LAMB3: variants seen among roughly 807,000 people sequenced by gnomAD.
The protein encoded by LAMB3 is laminin subunit beta-3.
Under a neutral mutation model 140.3 loss-of-function variants are expected in LAMB3, and 104 were observed. That is an observed-to-expected ratio of 0.74 (90% CI 0.63 to 0.87). The LOEUF (loss-of-function observed/expected upper bound fraction) is 0.87, where lower values mean the gene tolerates loss of function less well. Among genes scored for constraint, LAMB3 ranks in the 40% least tolerant of loss-of-function variants. LAMB3 has a pLI of 0.00. For missense variants in LAMB3, 1,531 were observed against 1,575.2 expected, an observed-to-expected ratio of 0.97 and a Z score of 0.47; for synonymous variants, 592 against 602.9, an observed-to-expected ratio of 0.98 and a Z score of 0.26.
intron 18 of LAMB3, 24 bp from the exon 19 acceptor site, chr1:209,618,683 T>C: frequency 6.2e-7 from 1 of 1,609,796 alleles, no homozygotes. Context: ...CGCATTTGAC[T>C]GTAGGAGCCC....
chr1:209,622,778 C>G, intron 17 of LAMB3, 98 bp from the exon 18 acceptor site: 1 of 1,534,788 alleles, frequency 6.5e-7, no homozygotes, highest in Non-Finnish European at 9.0e-7. Flanking sequence ...CAAGACCTAC[C>G]TAGGAAGCAT....
At chr1:209,651,741 C>T (rs1187095981) in intron 1 of LAMB3, among the ~76,000 whole-genome samples, 2 of 152,020 alleles carry the variant, frequency 1.3e-5, no homozygotes, top group African/African-American at 2.4e-5. Context: ...CAGAGGCAGG[C>T]CTGCCTTGTG....
chr1:209,632,428 C>T (rs796922544), intron 8 of LAMB3, among the ~76,000 whole-genome samples, 155 bp downstream of exon 8: 12 of 152,302 alleles, frequency 7.9e-5, no homozygotes, highest in African/African-American at 2.6e-4. Context: ...ATTTTTGGAA[C>T]GAAAACCACT....
chr1:209,615,171 A>G lies in LAMB3; in HGVS notation c.*100T>C. On this transcript the variant is annotated 3_prime_UTR_variant, in exon 23 of 23. Coordinates refer to ENST00000356082, the MANE Select transcript of LAMB3 (RefSeq NM_000228.3). ...TGGTCCAGGCTGTACTTTAGGCTGC[A>G]TGAAAGTCTCCTGGAGATGGAAAGC... is the stretch of plus-strand genomic sequence containing the variant. 1 of 1,521,728 alleles carries G rather than the reference A, an allele frequency of 6.6e-7. No individual in the cohort carries two copies. The highest frequency in any genetic ancestry group is 1.7e-5 in the Admixed American group (1 of 59,514). 94.3% of individuals were successfully genotyped at this position (1,521,728 alleles called of 1,614,324 possible). A position where few individuals can be genotyped will look rare whatever the true frequency, so the allele number is the denominator to read the frequency against.
intron 13 of LAMB3, among the ~76,000 whole-genome samples, chr1:209,626,504 C>T (rs1025490549): frequency 1.3e-5 from 2 of 152,174 alleles, no homozygotes; most frequent in Admixed American, 6.5e-5. Flanking sequence ...CCGTGGGAAA[C>T]GACACCCTTT....
At position 209,632,689 on chromosome 1, in the gene LAMB3, T is replaced by C. The variant is rs1474483881; in HGVS notation, c.716A>G (p.Tyr239Cys). The change falls in exon 8 of 23, where the codon TAT becomes TGT. Residue 239 changes from tyrosine (Y) to cysteine (C), a missense_variant. Transcript: ENST00000356082. ...QRGYHPPSAY[Y>C]AVSQLRLQGS... ...CTGCAGACGGAGCTGGGACACAGCA[T>C]AGTAGGCGCTGGGAGGGTGGTAGCC... 2 of 1,614,022 alleles carry C rather than the reference T, an allele frequency of 1.2e-6. No homozygotes were observed. The highest frequency in any genetic ancestry group is 1.7e-6 in the Non-Finnish European group (2 of 1,180,006).
rs144538210 is a variant in LAMB3 at position 209,623,906 on chromosome 1, C to T, written c.2071G>A (p.Gly691Ser). 5.2e-5 allele frequency: 84 copies of T among 1,614,148 alleles called. No homozygotes were observed. The African/African-American group carries it at 1.0e-3, about 20-fold the overall frequency. ...TTCCTCTGATACATAGTAAGGAGAC[C>T]ATTGAAGCTTCTGTCAAGACTCTCC... The part of the protein sequence containing the change: ...DLESLDRSFN[G>S]LLTMYQRKRE... The change falls in exon 15 of 23, where the codon GGT (glycine) becomes AGT (serine). Residue 691 changes from glycine (G) to serine (S), a missense_variant. Physicochemically the swap from Gly to Ser is moderately conservative, Grantham distance 56. Coordinates refer to ENST00000356082, the MANE Select transcript of LAMB3 (RefSeq NM_000228.3). This position sits in a 1 kb window ranked among gnomAD's most constrained non-coding sequence, Gnocchi z 4.2.
chr1:209,627,682 C>CAGGGA, intron 11 of LAMB3, 103 bp from the exon 12 acceptor site: 2 of 1,086,346 alleles, frequency 1.8e-6, no homozygotes, highest in Non-Finnish European at 2.7e-6. Context: ...AAGAACTGGG[C>CAGGGA]AGGGCCCTTC....
At chr1:209,642,936 C>T (rs2076482726) in intron 3 of LAMB3, among the ~76,000 whole-genome samples, 1 of 152,252 alleles carries the variant, frequency 6.6e-6, no homozygotes, top group Non-Finnish European at 1.5e-5. Context: ...GCCTTCTTCT[C>T]CTTCTGTCCA....
chr1:209,650,980 T>C lies in LAMB3; in HGVS notation c.-36A>G, dbSNP rs757463127. On this transcript the variant is annotated splice_region_variant and 5_prime_UTR_variant, in exon 2 of 23. Coordinates refer to ENST00000356082, the MANE Select transcript of LAMB3 (RefSeq NM_000228.3). ...TGGGGTGATCCCCAGAAAGGACCTT[T>C]CCTAGGACACAGCAAAGCAAACTGG... 1.2e-6 allele frequency: 2 copies of C among 1,611,108 alleles called. No individual in the cohort carries two copies. The highest frequency in any genetic ancestry group is 1.7e-6 in the Non-Finnish European group (2 of 1,177,258).
Position 209,634,491 on chromosome 1 carries a change from G to A in LAMB3, c.520C>T (p.Gln174Ter), listed in dbSNP as rs769114930. Residue 174 changes from glutamine to a stop codon, truncating the protein, a stop_gained, in exon 6 of 23, where the codon CAG becomes TAG. Coordinates refer to ENST00000356082, the MANE Select transcript of LAMB3 (RefSeq NM_000228.3). LOFTEE classifies it high-confidence loss of function. Reference sequence around the variant, plus strand: ...GCATTAGGCCTCTGAGGCAGGGACTGGCACCGAACATCCTGCCAGCTCTGA... The same window carrying A: ...GCATTAGGCCTCTGAGGCAGGGACTAGCACCGAACATCCTGCCAGCTCTGA... ...RPQSWQDVRC[Q>*]SLPQRPNARL... 6 of 1,613,964 alleles carry A rather than the reference G, an allele frequency of 3.7e-6. No homozygotes were observed. The highest frequency in any genetic ancestry group is 1.3e-5 in the African/African-American group (1 of 74,882).
At chr1:209,639,740 T>C (rs150108618) in intron 3 of LAMB3, among the ~76,000 whole-genome samples, 2,069 of 152,294 alleles carry the variant, frequency 0.014, 45 homozygotes, top group African/African-American at 0.045. Context: ...CTGCTTTCTC[T>C]GAGTAGCCAT....
intron 8 of LAMB3, among the ~76,000 whole-genome samples, chr1:209,632,007 C>T (rs1666708764): frequency 6.6e-6 from 1 of 152,234 alleles, no homozygotes; most frequent in South Asian, 2.1e-4. Flanking sequence ...CTTGGTTTCA[C>T]AGCAAAACCC....
intron 9 of LAMB3, 78 bp from the exon 10 acceptor site, chr1:209,630,003 T>C: frequency 7.2e-7 from 1 of 1,395,250 alleles, no homozygotes; most frequent in East Asian, 2.3e-5. Context: ...AAAAGCTCAC[T>C]GGCATCTGTA....
At chr1:209,647,485 A>G (rs1439721374) in intron 3 of LAMB3, among the ~76,000 whole-genome samples, 1 of 152,160 alleles carries the variant, frequency 6.6e-6, no homozygotes, top group African/African-American at 2.4e-5. Flanking sequence ...ATGGCACATC[A>G]GTAGGATGTG....
chr1:209,614,975 C>T lies in LAMB3; in HGVS notation c.*296G>A. 1 of 386,200 alleles carries T rather than the reference C, an allele frequency of 2.6e-6. No individual in the cohort carries two copies. The highest frequency in any genetic ancestry group is 4.7e-6 in the Non-Finnish European group (1 of 213,510). 23.9% of individuals were successfully genotyped at this position (386,200 alleles called of 1,614,324 possible). ...TTGTGCTTGGTCCAGGATTCCTCCC[C>T]AGTGGAGAACTAAAGGCGGGGGATA... On this transcript the variant is annotated 3_prime_UTR_variant, in exon 23 of 23. Transcript: ENST00000356082.
chr1:209,633,617 G>C (rs1666777614), intron 6 of LAMB3, among the ~76,000 whole-genome samples: 1 of 152,112 alleles, frequency 6.6e-6, no homozygotes, highest in Non-Finnish European at 1.5e-5. Context: ...TTTCACATCA[G>C]CCCTCCACAA....
chr1:209,620,899 G>A (rs1024271377), intron 18 of LAMB3, among the ~76,000 whole-genome samples: 5 of 152,202 alleles, frequency 3.3e-5, no homozygotes, highest in South Asian at 4.2e-4. Context: ...ACCCTATATC[G>A]GACAGCAGCC....
At chr1:209,625,576 G>A in intron 14 of LAMB3, 72 bp downstream of exon 14, 3 of 1,568,324 alleles carry the variant, frequency 1.9e-6, no homozygotes, top group Non-Finnish European at 2.6e-6. Flanking sequence ...ATGTAAGGAA[G>A]GACCAGCATG....
Sources: allele counts gnomAD v4.1 joint callset (sites outside exome capture counted in the v4.1 genomes callset), GRCh38; gene constraint gnomAD v4.1.1; non-coding constraint Gnocchi (gnomAD v3.1); transcripts MANE v1.5; gene names NCBI Gene and HGNC (gene_info 2026-07-23, HGNC 2026-07-21).